The following CTNNA2 variants were observed in gnomAD, a reference collection of about 807,000 sequenced individuals.
The protein encoded by CTNNA2 is catenin alpha-2.
A neutral mutation model predicts 101.0 loss-of-function variants in CTNNA2; 42 were observed. The ratio of observed to expected loss-of-function variants is 0.42; its 90% CI spans 0.32 to 0.54. CTNNA2 has a LOEUF of 0.54. Ranked by LOEUF, CTNNA2 falls within the 20% of genes least tolerant of loss-of-function variation. CTNNA2 has a pLI of 0.14. For synonymous variants in CTNNA2, 450 were observed against 456.4 expected (o/e 0.99, Z 0.18); for missense variants, 871 against 1,223.1 (o/e 0.71, Z 4.29).
At chr2:79,394,787 ATT>A (rs5832387) in intron 4 of CTNNA2, among the ~76,000 whole-genome samples, 5 of 151,868 alleles carry the variant, frequency 3.3e-5, no homozygotes, top group Non-Finnish European at 7.4e-5. Flanking sequence ...ACTTAAAAAA[ATT>A]TTTTTTGTAT....
At chr2:80,559,294 C>T (rs190614874) in intron 12 of CTNNA2, among the ~76,000 whole-genome samples, 1 of 152,292 alleles carries the variant, frequency 6.6e-6, no homozygotes, top group African/African-American at 2.4e-5. Flanking sequence ...AATAATCAAA[C>T]AGCCTTGACT....
At chr2:79,592,036 A>G (rs1214779233) in intron 1 of CTNNA2, among the ~76,000 whole-genome samples, 1 of 148,184 alleles carries the variant, frequency 6.7e-6, no homozygotes, top group Non-Finnish European at 1.5e-5. Context: ...TCAATCATTT[A>G]TCTTTCTGTT....
chr2:80,086,859 CTGATTT>C (rs769165604), intron 7 of CTNNA2, among the ~76,000 whole-genome samples: 4 of 152,100 alleles, frequency 2.6e-5, no homozygotes, highest in Admixed American at 1.3e-4. Context: ...CCTCAAGAAA[CTGATTT>C]GGTTGTGCAA....
intron 7 of CTNNA2, among the ~76,000 whole-genome samples, chr2:80,132,088 C>A (rs115865682): frequency 2.6e-5 from 4 of 151,898 alleles, no homozygotes; most frequent in African/African-American, 7.3e-5. Context: ...TCTCAAAAAA[C>A]ATGTATATAT....
chr2:79,579,946 G>A (rs1226267389), intron 1 of CTNNA2, among the ~76,000 whole-genome samples: 2 of 152,182 alleles, frequency 1.3e-5, no homozygotes, highest in East Asian at 3.9e-4. Flanking sequence ...GAACAAAGTT[G>A]CCACAAGCTC....
rs1361521021 is a variant in CTNNA2, at chr2:80,304,956, G to A, written c.1057-88255G>A. ...GGAGGGGGGAGGGAGGTGGAGGTAGGGGTAGCATCATCCACGACAAGATAT... is the reference window on the plus strand; with the variant it reads ...GGAGGGGGGAGGGAGGTGGAGGTAGAGGTAGCATCATCCACGACAAGATAT... On this transcript the variant is annotated intron_variant, in intron 7 of 18. Coordinates refer to ENST00000402739, the MANE Select transcript of CTNNA2 (RefSeq NM_001282597.3). 4 of 526,218 alleles carry A rather than the reference G, an allele frequency of 7.6e-6. No homozygotes were observed. In the East Asian group the frequency reaches 6.1e-4, roughly 80 times the overall value. The allele number at this position is 526,218 out of a possible 1,614,324, so 32.6% of individuals were successfully genotyped here.
At chr2:80,174,229 T>G (rs1705254152) in intron 7 of CTNNA2, among the ~76,000 whole-genome samples, 1 of 152,196 alleles carries the variant, frequency 6.6e-6, no homozygotes, top group South Asian at 2.1e-4. Context: ...ATACATACAC[T>G]GCTTTTTTCC....
At chr2:79,823,739 G>T (rs970284331) in intron 3 of CTNNA2, among the ~76,000 whole-genome samples, 1 of 152,084 alleles carries the variant, frequency 6.6e-6, no homozygotes, top group Non-Finnish European at 1.5e-5. Flanking sequence ...ATACTGAAAT[G>T]CAGCTATATA....
intron 3 of CTNNA2, among the ~76,000 whole-genome samples, chr2:79,372,416 C>A (rs1454566547): frequency 6.6e-6 from 1 of 152,164 alleles, no homozygotes; most frequent in Non-Finnish European, 1.5e-5. Context: ...GTGTCCAGGT[C>A]TTCTCCATTC....
intron 7 of CTNNA2, among the ~76,000 whole-genome samples, chr2:80,234,774 G>A (rs144944584): frequency 1.6e-3 from 238 of 151,720 alleles, no homozygotes; most frequent in Non-Finnish European, 3.0e-3. Context: ...ACAGGGGAAT[G>A]GTTAATATAA....
At chr2:80,305,563 T>C (rs187784591) in intron 7 of CTNNA2, among the ~76,000 whole-genome samples, 113 of 152,190 alleles carry the variant, frequency 7.4e-4, no homozygotes, top group African/African-American at 2.4e-3. Flanking sequence ...CCCGTCTCCA[T>C]ACACACATCC....
upstream of CTNNA2, among the ~76,000 whole-genome samples, chr2:79,512,774 C>A (rs1460753362): frequency 6.6e-6 from 1 of 151,572 alleles, no homozygotes; most frequent in Non-Finnish European, 1.5e-5. Flanking sequence ...CCGCCCTACC[C>A]CGCCCCGCCC....
At chr2:80,620,424 A>G (rs1670998865) in intron 18 of CTNNA2, among the ~76,000 whole-genome samples, 2 of 151,854 alleles carry the variant, frequency 1.3e-5, no homozygotes, top group South Asian at 4.1e-4. Context: ...TAAAAGCACT[A>G]CAGCTGATAC....
chr2:79,901,539 G>A (rs940478173), intron 6 of CTNNA2, among the ~76,000 whole-genome samples: 4 of 152,062 alleles, frequency 2.6e-5, no homozygotes, highest in African/African-American at 9.7e-5. Context: ...AAAAAGTTAT[G>A]AAAATCAGCC....
rs186490083 is a variant in CTNNA2, at chr2:79,636,225, G to A, written c.-5-15327G>A. 3.0e-3 allele frequency among the ~76,000 whole-genome samples: 408 copies of A among 137,280 alleles called. 1 individual carries two copies. The highest frequency in any genetic ancestry group is 9.5e-3 in the African/African-American group (350 of 36,946). 90.1% of individuals were successfully genotyped at this position (137,280 alleles called of 152,430 possible). A position where few individuals can be genotyped will look rare whatever the true frequency, so the allele number is the denominator to read the frequency against. On this transcript the variant is annotated intron_variant, in intron 1 of 18. Transcript: ENST00000402739. The stretch of plus-strand genomic sequence containing the variant: ...ATGGAGCTTGCAGTGAGCCGAGATC[G>A]CGCCACTGCACTCCAGCCTGGGCAA...
chr2:80,252,209 T>C (rs1671819547), intron 7 of CTNNA2, among the ~76,000 whole-genome samples: 1 of 152,218 alleles, frequency 6.6e-6, no homozygotes, highest in Non-Finnish European at 1.5e-5. Context: ...ATTTATTTAC[T>C]GACCCTCTTA....
At chr2:79,701,847 C>A (rs907562197) in intron 2 of CTNNA2, among the ~76,000 whole-genome samples, 7 of 151,800 alleles carry the variant, frequency 4.6e-5, no homozygotes, top group African/African-American at 7.3e-5. Flanking sequence ...ACTAAAAATA[C>A]AAAAATTGGC....
At chr2:79,404,449 A>T (rs1678320964) in intron 4 of CTNNA2, among the ~76,000 whole-genome samples, 1 of 152,002 alleles carries the variant, frequency 6.6e-6, no homozygotes, top group Non-Finnish European at 1.5e-5. Flanking sequence ...TGGATTTGTT[A>T]TTGTAAGCTT....
chr2:80,585,523 A>G (rs975788459), intron 14 of CTNNA2, among the ~76,000 whole-genome samples: 7 of 152,106 alleles, frequency 4.6e-5, no homozygotes, highest in African/African-American at 1.7e-4. Flanking sequence ...AAAATCTGAT[A>G]TGTTCCCTTT....
Sources: allele counts gnomAD v4.1 joint callset (sites outside exome capture counted in the v4.1 genomes callset), GRCh38; gene constraint gnomAD v4.1.1; transcripts MANE v1.5; gene names NCBI Gene and HGNC (gene_info 2026-07-23, HGNC 2026-07-21).